PELI2: variants seen among roughly 807,000 people sequenced by gnomAD.
PELI2 encodes the protein pellino E3 ubiquitin protein ligase family member 2.
PELI2 carries 23 observed loss-of-function variants against 42.3 expected under a neutral mutation model. The observed-to-expected ratio is 0.54, with a 90% CI of 0.39 to 0.77. The LOEUF is 0.77. Among genes scored for constraint, PELI2 ranks in the 30% least tolerant of loss-of-function variants. PELI2 has a pLI of 0.00. For missense variants in PELI2, 463 were observed against 553.2 expected, an observed-to-expected ratio of 0.84 and a Z score of 1.64; for synonymous variants, 245 against 212.2, an observed-to-expected ratio of 1.15 and a Z score of -1.34.
At chr14:56,195,690 C>T (rs187042423) in intron 2 of PELI2, among the ~76,000 whole-genome samples, 175 of 152,330 alleles carry the variant, frequency 1.1e-3, no homozygotes, top group Admixed American at 1.9e-3. Context: ...ACCCCTCATC[C>T]GGAGAAACTT....
intron 2 of PELI2, among the ~76,000 whole-genome samples, chr14:56,223,002 T>A (rs1161687383): frequency 1.3e-5 from 2 of 152,104 alleles, no homozygotes; most frequent in Non-Finnish European, 2.9e-5. Flanking sequence ...AGGACATTAT[T>A]TGAGAATTGG....
intron 2 of PELI2, among the ~76,000 whole-genome samples, chr14:56,239,095 G>A (rs1202694907): frequency 6.6e-6 from 1 of 152,062 alleles, no homozygotes; most frequent in African/African-American, 2.4e-5. Flanking sequence ...CTAATTATGT[G>A]TTAGTGAACT....
intron 1 of PELI2, among the ~76,000 whole-genome samples, chr14:56,120,825 G>A (rs1437339914): frequency 6.6e-6 from 1 of 152,216 alleles, no homozygotes; most frequent in Non-Finnish European, 1.5e-5. Context: ...CGGCTGGAAG[G>A]TGAGGGAAGT....
At chr14:56,137,959 A>G (rs911569684) in intron 1 of PELI2, among the ~76,000 whole-genome samples, 1 of 152,142 alleles carries the variant, frequency 6.6e-6, no homozygotes, top group African/African-American at 2.4e-5. Context: ...AGTTATGGGA[A>G]GCTCCCAGGT....
intron 2 of PELI2, among the ~76,000 whole-genome samples, chr14:56,256,245 TAGTG>T (rs1324596250): frequency 1.3e-5 from 2 of 151,820 alleles, no homozygotes; most frequent in African/African-American, 4.8e-5. Context: ...CTGGACAACA[TAGTG>T]AGACCCATCT....
chr14:56,202,778 C>T (rs1886377217), intron 2 of PELI2, among the ~76,000 whole-genome samples: 1 of 152,164 alleles, frequency 6.6e-6, no homozygotes, highest in South Asian at 2.1e-4. Flanking sequence ...TTTTTGACAA[C>T]ATCTTTAACC....
rs181660907 is a variant in PELI2, at chr14:56,236,872, T to A, written c.208-42804T>A. Among the ~76,000 whole-genome samples, 233 of 152,344 alleles carry A rather than the reference T, an allele frequency of 1.5e-3. 1 individual carries two copies. Among genetic ancestry groups the A allele is most frequent in the Non-Finnish European group, 2.4e-3 (165 of 68,040 alleles). ...TGCATGGATCTCTCCCTGTTCTATTTGTACCAAGATTTGAGATAGGCAACT... is the reference window on the plus strand; with the variant it reads ...TGCATGGATCTCTCCCTGTTCTATTAGTACCAAGATTTGAGATAGGCAACT... On this transcript the variant is annotated intron_variant, in intron 2 of 5. Transcript: ENST00000267460.
chr14:56,215,528 C>T (rs555855029), intron 2 of PELI2, among the ~76,000 whole-genome samples: 61 of 152,250 alleles, frequency 4.0e-4, no homozygotes, highest in African/African-American at 1.5e-3. Flanking sequence ...ATCATTAGTT[C>T]ATGAACCAAG....
intron 2 of PELI2, among the ~76,000 whole-genome samples, chr14:56,228,898 C>A (rs1005997470): frequency 6.6e-5 from 10 of 152,200 alleles, no homozygotes; most frequent in Admixed American, 6.5e-5. Context: ...ACACTCCCAC[C>A]CTAATACTGT....
Position 56,178,392 on chromosome 14 carries a change from C to T in PELI2, c.135C>T (p.Leu45=), listed in dbSNP as rs745953290. 1 of 1,613,970 alleles carries T rather than the reference C, an allele frequency of 6.2e-7. No homozygotes were observed. Among genetic ancestry groups the T allele is most frequent in the Non-Finnish European group, 8.5e-7 (1 of 1,179,958 alleles). ...DRGRRKSRFA[L]YKRPKANGVK... Reference sequence around the variant, plus strand: ...GACGGAGGAAAAGTAGATTTGCCCTCTACAAGCGGCCCAAGGCAAATGGTG... The same window carrying T: ...GACGGAGGAAAAGTAGATTTGCCCTTTACAAGCGGCCCAAGGCAAATGGTG... Residue 45 remains leucine, a synonymous_variant, in exon 2 of 6, where the codon CTC becomes CTT. Coordinates refer to ENST00000267460, the MANE Select transcript of PELI2 (RefSeq NM_021255.3).
intron 1 of PELI2, among the ~76,000 whole-genome samples, 160 bp downstream of exon 1, chr14:56,118,897 G>A (rs935860074): frequency 1.3e-5 from 2 of 150,780 alleles, no homozygotes; most frequent in Non-Finnish European, 3.0e-5. Context: ...GCGGGGGCGG[G>A]ATGCGCCCCA....
At chr14:56,130,365 A>T (rs116266769) in intron 1 of PELI2, among the ~76,000 whole-genome samples, 2,825 of 152,094 alleles carry the variant, frequency 0.019, 90 homozygotes, top group African/African-American at 0.065. Flanking sequence ...GCTGATTCGA[A>T]CCTAGGTCTT....
At chr14:56,246,918 A>G (rs899813134) in intron 2 of PELI2, among the ~76,000 whole-genome samples, 5 of 152,210 alleles carry the variant, frequency 3.3e-5, no homozygotes, top group Non-Finnish European at 5.9e-5. Flanking sequence ...CCTTTAAACT[A>G]TACAGAAATA....
chr14:56,251,464 C>T (rs1241025705), intron 2 of PELI2, among the ~76,000 whole-genome samples: 1 of 152,204 alleles, frequency 6.6e-6, no homozygotes, highest in African/African-American at 2.4e-5. Context: ...GACTTAAGAT[C>T]AAGCAGCCGT....
chr14:56,131,510 A>G (rs1028601118), intron 1 of PELI2, among the ~76,000 whole-genome samples: 1 of 152,250 alleles, frequency 6.6e-6, no homozygotes, highest in Non-Finnish European at 1.5e-5. Flanking sequence ...AGAGACCTGG[A>G]AGCACTGCAG....
chr14:56,255,354 G>T (rs535240891), intron 2 of PELI2, among the ~76,000 whole-genome samples: 87 of 152,296 alleles, frequency 5.7e-4, no homozygotes, highest in Admixed American at 1.6e-3. Context: ...AATGAAGCTG[G>T]AAACCATCAT....
intron 4 of PELI2, among the ~76,000 whole-genome samples, chr14:56,289,084 T>C (rs912529359): frequency 2.6e-5 from 4 of 152,258 alleles, no homozygotes; most frequent in South Asian, 2.1e-4. Context: ...CTTGAATCCC[T>C]GCCCTTATAG....
intron 2 of PELI2, among the ~76,000 whole-genome samples, chr14:56,230,706 A>C (rs1011918052): frequency 2.0e-5 from 3 of 152,236 alleles, no homozygotes; most frequent in East Asian, 1.9e-4. Flanking sequence ...CAAGCAAAAT[A>C]ACCAGCTAAC....
At position 56,300,839 on chromosome 14, in the gene PELI2, A is replaced by T. The variant is rs1890151691; in HGVS notation, c.*3673A>T. The T allele has an allele frequency of 6.6e-6, 1 of 152,186 alleles. No homozygotes were observed. Among genetic ancestry groups the T allele is most frequent in the Admixed American group, 6.5e-5 (1 of 15,280 alleles). The allele number at this position is 152,186 out of a possible 1,614,324, so 9.4% of individuals were successfully genotyped here. ...ATGATGCGCCTCCTTCTGTGCGACC[A>T]ATGAGACGACTTCAGCATCTTTTTA... On this transcript the variant is annotated 3_prime_UTR_variant, in exon 6 of 6. Coordinates refer to ENST00000267460, the MANE Select transcript of PELI2 (RefSeq NM_021255.3).
Sources: gnomAD v4.1 joint callset for allele counts (sites outside exome capture counted in the v4.1 genomes callset) on GRCh38, gnomAD v4.1.1 for gene constraint, MANE v1.5 for transcripts, NCBI Gene and HGNC (gene_info 2026-07-23, HGNC 2026-07-21) for gene names.